PDGFRA: variants seen among roughly 807,000 people sequenced by gnomAD.
PDGFRA encodes the protein platelet-derived growth factor receptor alpha.
Under a neutral mutation model 121.5 loss-of-function variants are expected in PDGFRA, and 25 were observed. That is an observed-to-expected ratio of 0.21 (90% CI 0.15 to 0.29). PDGFRA has a LOEUF of 0.29. Among genes scored for constraint, PDGFRA ranks in the 10% least tolerant of loss-of-function variants. PDGFRA has a pLI of 1.00. For missense variants in PDGFRA, 1,008 were observed against 1,345.1 expected (o/e 0.75, Z 3.92); for synonymous variants, 463 against 494.8 (o/e 0.94, Z 0.85).
Position 54,280,247 on chromosome 4 carries a change from A to C in PDGFRA, c.2157-69A>C. The C allele has an allele frequency of 8.2e-6, 3 of 368,096 alleles. No individual in the cohort carries two copies. The East Asian group carries it at 2.0e-4, about 25-fold the overall frequency. The allele number at this position is 368,096 out of a possible 1,614,324, so 22.8% of individuals were successfully genotyped here. On this transcript the variant is annotated intron_variant, in intron 15 of 22. Transcript: ENST00000257290. ...CCTCAGTACCTGGCACATAATCATC[A>C]TCTACTGAAAGTGGAATGACCACTT...
chr4:54,256,392 C>A (rs781220319), intron 1 of PDGFRA, among the ~76,000 whole-genome samples: 10 of 151,854 alleles, frequency 6.6e-5, no homozygotes, highest in Admixed American at 2.0e-4. Flanking sequence ...CACACCACCA[C>A]GCCTGGCTAA....
Position 54,295,308 on chromosome 4 carries a change from C to A in PDGFRA, c.*36C>A. On this transcript the variant is annotated 3_prime_UTR_variant, in exon 23 of 23. Coordinates refer to ENST00000257290, the MANE Select transcript of PDGFRA (RefSeq NM_006206.6). ...CGAGGGGTTCCTTCCACTTCTGGGG[C>A]CACCTCTGGATCCCGTTCAGAAAAC... 1.2e-6 allele frequency: 2 copies of A among 1,609,520 alleles called. No homozygotes were observed. The highest frequency in any genetic ancestry group is 1.7e-4 in the Middle Eastern group (1 of 5,798).
At chr4:54,232,819 A>T (rs574454239) in intron 1 of PDGFRA, among the ~76,000 whole-genome samples, 16 of 152,202 alleles carry the variant, frequency 1.1e-4, no homozygotes, top group Non-Finnish European at 2.2e-4. Context: ...TCCTGACCTC[A>T]GGTGATCCGC....
In PDGFRA at chr4:54,295,395, A is replaced by G; in HGVS notation, c.*123A>G. ...GGTTGATGTTTAAAGAGAAGTTCCC[A>G]GCCAAGGGCCTCGGGGAGCGTTCTA... On this transcript the variant is annotated 3_prime_UTR_variant, in exon 23 of 23. Transcript: ENST00000257290. 1.1e-6 allele frequency: 1 copy of G among 933,858 alleles called. No homozygotes were observed. The highest frequency in any genetic ancestry group is 2.4e-5 in the East Asian group (1 of 41,478). 57.8% of individuals were successfully genotyped at this position (933,858 alleles called of 1,614,324 possible). A position where few individuals can be genotyped will look rare whatever the true frequency, so the allele number is the denominator to read the frequency against.
At chr4:54,276,420 TGGTAAATCGGCTCTGTCTA>T in intron 12 of PDGFRA, among the ~76,000 whole-genome samples, 1 of 152,306 alleles carries the variant, frequency 6.6e-6, no homozygotes, top group East Asian at 1.9e-4. Context: ...TCCCCTGTCT[TGGTAAATCGGCTCTGTCTA>T]GGCAGCGGAC....
chr4:54,248,949 C>CA (rs575264216), intron 1 of PDGFRA, among the ~76,000 whole-genome samples: 1 of 151,816 alleles, frequency 6.6e-6, no homozygotes. Flanking sequence ...TTTAAGCAGC[C>CA]AAAAAAACAC....
At chr4:54,256,498 A>G (rs1380657693) in intron 1 of PDGFRA, among the ~76,000 whole-genome samples, 1 of 150,098 alleles carries the variant, frequency 6.7e-6, no homozygotes, top group African/African-American at 2.4e-5. Context: ...TTGGCCTCCC[A>G]AAGTGCTGCG....
At chr4:54,272,284 G>A in intron 8 of PDGFRA, 110 bp from the exon 9 acceptor site, 2 of 1,141,860 alleles carry the variant, frequency 1.8e-6, no homozygotes, top group South Asian at 1.2e-5. Context: ...AGCCCCTCCG[G>A]AGTGTTTTGA....
intron 1 of PDGFRA, among the ~76,000 whole-genome samples, chr4:54,237,513 G>A (rs918642056): frequency 3.9e-5 from 6 of 152,190 alleles, no homozygotes; most frequent in Non-Finnish European, 5.9e-5. Flanking sequence ...GCTGGCTCTG[G>A]AGGCCTTGTT....
In PDGFRA at chr4:54,267,327, C is replaced by G. The variant is rs370656660; in HGVS notation, c.798C>G (p.Val266=). Residue 266 remains valine (V), a synonymous_variant, in exon 6 of 23, where the codon GTC becomes GTG. Transcript: ENST00000257290. The part of the protein sequence containing the change: ...KGITMLEEIK[V]PSIKLVYTLT... The stretch of plus-strand genomic sequence containing the variant: ...TCACAATGCTGGAAGAAATCAAAGT[C>G]CCATCCATCAAATTGGTGTACACTT... The G allele has an allele frequency of 3.1e-6, 5 of 1,614,170 alleles. No individual in the cohort carries two copies. Among genetic ancestry groups the G allele is most frequent in the Non-Finnish European group, 4.2e-6 (5 of 1,180,016 alleles).
intron 1 of PDGFRA, among the ~76,000 whole-genome samples, chr4:54,239,838 T>A (rs1721201176): frequency 6.6e-6 from 1 of 151,988 alleles, no homozygotes; most frequent in South Asian, 2.1e-4. Context: ...TAAAAAAAAT[T>A]TTAAATTATT....
At chr4:54,263,152 G>A (rs1722844680) in intron 3 of PDGFRA, among the ~76,000 whole-genome samples, 1 of 152,096 alleles carries the variant, frequency 6.6e-6, no homozygotes, top group Non-Finnish European at 1.5e-5. Flanking sequence ...ACTGACTATA[G>A]GTGGTAAGAG....
chr4:54,278,647 C>T, intron 15 of PDGFRA, 132 bp downstream of exon 15: 1 of 813,082 alleles, frequency 1.2e-6, no homozygotes, highest in South Asian at 1.5e-5. Context: ...TCAAACCACC[C>T]TGTCCAGTCT....
Position 54,277,305 on chromosome 4 carries a change from C to A in PDGFRA, c.1787-83C>A, listed in dbSNP as rs879797180. ...CAGGAAAGACACTCGCCCAGCTGTC[C>A]GCCCGCAGAGAGCTGGCTACGGTGC... On this transcript the variant is annotated intron_variant, in intron 12 of 22. Transcript: ENST00000257290. The A allele has an allele frequency of 1.5e-5, 14 of 912,258 alleles. No homozygotes were observed. The South Asian group carries it at 1.6e-4, about 10-fold the overall frequency. 56.5% of individuals were successfully genotyped at this position (912,258 alleles called of 1,614,324 possible). A position where few individuals can be genotyped will look rare whatever the true frequency, so the allele number is the denominator to read the frequency against.
chr4:54,277,362 G>A (rs1327621226), intron 12 of PDGFRA, 26 bp from the exon 13 acceptor site: 4 of 1,541,840 alleles, frequency 2.6e-6, no homozygotes, highest in African/African-American at 2.7e-5. Flanking sequence ...GAGTTTTTGG[G>A]TGTTAATGAT....
At chr4:54,290,890 T>A (rs1158285297) in intron 22 of PDGFRA, among the ~76,000 whole-genome samples, 2 of 152,180 alleles carry the variant, frequency 1.3e-5, no homozygotes, top group Non-Finnish European at 2.9e-5. Flanking sequence ...GCCATTGTCT[T>A]AAATAGTCAT....
intron 9 of PDGFRA, 47 bp from the exon 10 acceptor site, chr4:54,273,490 A>G (rs1456052648): frequency 3.3e-6 from 5 of 1,503,944 alleles, no homozygotes; most frequent in South Asian, 1.1e-5. Context: ...ACTCATTGCC[A>G]TGACTCTCAG....
chr4:54,231,103 C>T (rs1329423636), intron 1 of PDGFRA, among the ~76,000 whole-genome samples: 1 of 152,208 alleles, frequency 6.6e-6, no homozygotes, highest in Non-Finnish European at 1.5e-5. Context: ...GTGCATCCCT[C>T]CCGCAGCCAG....
chr4:54,245,092 T>C (rs1386102592), intron 1 of PDGFRA, among the ~76,000 whole-genome samples: 2 of 152,188 alleles, frequency 1.3e-5, no homozygotes, highest in Non-Finnish European at 2.9e-5. Flanking sequence ...CTACGTCTGA[T>C]TGGTGTACCT....
Sources: allele counts gnomAD v4.1 joint callset (sites outside exome capture counted in the v4.1 genomes callset), GRCh38; gene constraint gnomAD v4.1.1; transcripts MANE v1.5; gene names NCBI Gene and HGNC (gene_info 2026-07-23, HGNC 2026-07-21).